The following PCDHA7 variants were observed in gnomAD, a reference collection of about 807,000 sequenced individuals.
PCDHA7 encodes protocadherin alpha-7.
Under a neutral mutation model 57.2 loss-of-function variants are expected in PCDHA7, and 37 were observed. That is an observed-to-expected ratio of 0.65 (90% CI 0.50 to 0.85). The LOEUF (loss-of-function observed/expected upper bound fraction) is 0.85. PCDHA7 is among the 40% of genes least tolerant of loss of function. The pLI, the probability that PCDHA7 is intolerant of heterozygous loss-of-function variation, is 0.00. For missense variants in PCDHA7, 1,188 were observed against 1,241.8 expected (o/e 0.96, Z 0.65); for synonymous variants, 553 against 558.8 (o/e 0.99, Z 0.15).
intron 3 of PCDHA7, among the ~76,000 whole-genome samples, chr5:140,997,279 A>G (rs1386656925): frequency 6.6e-6 from 1 of 152,166 alleles, no homozygotes; most frequent in Non-Finnish European, 1.5e-5. Flanking sequence ...TTCTTGCATC[A>G]CTTAACAATG....
intron 1 of PCDHA7, chr5:140,849,066 C>A (rs2040764051): frequency 6.5e-7 from 1 of 1,540,002 alleles, no homozygotes; most frequent in Non-Finnish European, 8.8e-7. Flanking sequence ...GCAGGTAAAA[C>A]CTCTTGGACT....
At chr5:140,871,053 G>A in intron 1 of PCDHA7, 1 of 1,613,334 alleles carries the variant, frequency 6.2e-7, no homozygotes, top group East Asian at 2.2e-5. Flanking sequence ...TAGTACTGGT[G>A]AAGGATCACG....
intron 1 of PCDHA7, among the ~76,000 whole-genome samples, chr5:140,896,285 G>T (rs1392495241): frequency 1.3e-5 from 2 of 152,202 alleles, no homozygotes; most frequent in African/African-American, 2.4e-5. Context: ...GGCTTGAATG[G>T]TAAGTTCTTT....
At position 140,834,854 on chromosome 5, in the gene PCDHA7, G is replaced by A; in HGVS notation, c.471G>A (p.Ala157=). Residue 157 remains alanine (A), a synonymous_variant, in exon 1 of 4, where the codon GCG becomes GCA. Transcript: ENST00000525929. ...ACTCTCGGTTTCCACTAGAGGGCGC[G>A]TCCGATGCAGATATCGGGGAGAACG... The part of the protein sequence containing the change: ...PLDSRFPLEG[A]SDADIGENAL... The A allele has an allele frequency of 6.2e-7, 1 of 1,610,584 alleles. No individual in the cohort carries two copies. Among genetic ancestry groups the A allele is most frequent in the South Asian group, 1.1e-5 (1 of 90,792 alleles).
At chr5:140,862,748 C>T in intron 1 of PCDHA7, 1 of 577,560 alleles carries the variant, frequency 1.7e-6, no homozygotes, top group Non-Finnish European at 3.3e-6. Flanking sequence ...TGGGTGCACG[C>T]GGAGAGCGGC....
At chr5:140,905,033 T>C (rs1325621385) in intron 1 of PCDHA7, among the ~76,000 whole-genome samples, 3 of 152,234 alleles carry the variant, frequency 2.0e-5, no homozygotes, top group African/African-American at 7.2e-5. Context: ...AGAAGCTTTT[T>C]AGTTTAATTA....
intron 1 of PCDHA7, among the ~76,000 whole-genome samples, chr5:140,939,802 A>C (rs1347672258): frequency 6.6e-6 from 1 of 152,220 alleles, no homozygotes; most frequent in Admixed American, 6.5e-5. Context: ...AATGTTCTGC[A>C]TGTTCAAGAA....
chr5:140,835,288 T>G lies in PCDHA7; in HGVS notation c.905T>G (p.Ile302Ser). Residue 302 changes from isoleucine to serine, a missense_variant, in exon 1 of 4, where the codon ATC (isoleucine) becomes AGC (serine). By Grantham distance (142) the Ile-to-Ser change is moderately radical. Transcript: ENST00000525929. The part of the protein sequence containing the change: ...KFHMDPLSGA[I>S]TVIGHMDFEE... The stretch of plus-strand genomic sequence containing the variant: ...CACATGGACCCCTTAAGTGGGGCAA[T>G]CACAGTGATAGGACATATGGATTTT... The G allele has an allele frequency of 6.2e-7, 1 of 1,612,190 alleles. No homozygotes were observed. The highest frequency in any genetic ancestry group is 8.5e-7 in the Non-Finnish European group (1 of 1,179,370).
At chr5:140,848,333 C>T in intron 1 of PCDHA7, 2 of 843,612 alleles carry the variant, frequency 2.4e-6, no homozygotes, top group Non-Finnish European at 1.9e-6. Flanking sequence ...TCTCTGAATC[C>T]AGACAAATAC....
chr5:140,990,605 A>T (rs1234326404), intron 3 of PCDHA7, among the ~76,000 whole-genome samples: 4 of 152,214 alleles, frequency 2.6e-5, no homozygotes, highest in Non-Finnish European at 4.4e-5. Flanking sequence ...GAGTCAGATG[A>T]ATACCGTAAA....
intron 1 of PCDHA7, chr5:140,841,181 C>G: frequency 2.6e-6 from 3 of 1,156,610 alleles, no homozygotes; most frequent in Non-Finnish European, 3.6e-6. Context: ...GGTCAATGTT[C>G]AAAGTCTTTT....
chr5:140,967,003 C>T, intron 1 of PCDHA7: 1 of 1,605,342 alleles, frequency 6.2e-7, no homozygotes, highest in South Asian at 1.1e-5. Context: ...GCTTGCGCAT[C>T]AACCATCTGG....
At chr5:140,988,253 C>A (rs982953260) in intron 3 of PCDHA7, among the ~76,000 whole-genome samples, 1 of 152,188 alleles carries the variant, frequency 6.6e-6, no homozygotes, top group Non-Finnish European at 1.5e-5. Context: ...CAGCTCCCGC[C>A]TGTGAGTATC....
At chr5:140,881,454 C>A in intron 1 of PCDHA7, 1 of 705,924 alleles carries the variant, frequency 1.4e-6, no homozygotes, top group Non-Finnish European at 1.7e-6. Context: ...AATCCAAAAC[C>A]TTAGAGCATT....
intron 1 of PCDHA7, among the ~76,000 whole-genome samples, chr5:140,961,590 A>C (rs1554225489): frequency 2.0e-5 from 3 of 152,100 alleles, no homozygotes; most frequent in Non-Finnish European, 4.4e-5. Flanking sequence ...TATTTTGGCA[A>C]TGATTCTAGT....
chr5:140,941,255 C>CTTTCTTTTTCTT (rs782490896), intron 1 of PCDHA7, among the ~76,000 whole-genome samples: 1 of 44,508 alleles, frequency 2.2e-5, no homozygotes, highest in Non-Finnish European at 5.1e-5. Context: ...TTCTTTCTTT[C>CTTTCTTTTTCTT]TCTTTCTTTC....
rs1333608076 is a variant in PCDHA7, at chr5:140,848,470, A to C, written c.2355+11732A>C. Reference sequence around the variant, plus strand: ...TTCTAATTTGGAGGCAATTTTCACTAATTAGAAGAAGACTGAGTATTTGAA... The same window carrying C: ...TTCTAATTTGGAGGCAATTTTCACTCATTAGAAGAAGACTGAGTATTTGAA... On this transcript the variant is annotated intron_variant, in intron 1 of 3. Coordinates refer to ENST00000525929, the MANE Select transcript of PCDHA7 (RefSeq NM_018910.3). 3 of 1,552,738 alleles carry C rather than the reference A, an allele frequency of 1.9e-6. No individual in the cohort carries two copies. In the East Asian group the frequency reaches 6.7e-5, roughly 35 times the overall value.
chr5:140,863,444 G>A, intron 1 of PCDHA7: 4 of 585,532 alleles, frequency 6.8e-6, no homozygotes, highest in South Asian at 2.8e-5. Context: ...GGTCTTACTC[G>A]CAGCAAAGGA....
chr5:140,988,059 T>C (rs1587274242), intron 3 of PCDHA7, among the ~76,000 whole-genome samples: 1 of 152,324 alleles, frequency 6.6e-6, no homozygotes, highest in East Asian at 1.9e-4. Flanking sequence ...ACTGTCAACA[T>C]GAATTTTTCT....
Sources: gnomAD v4.1 joint callset for allele counts (sites outside exome capture counted in the v4.1 genomes callset) on GRCh38, gnomAD v4.1.1 for gene constraint, MANE v1.5 for transcripts, NCBI Gene and HGNC (gene_info 2026-07-23, HGNC 2026-07-21) for gene names.